Variants in TUBB8B observed in about 807,000 individuals in gnomAD.
TUBB8B encodes tubulin beta 8B, also known as HSA18p11 beta-tubulin 4Q pseudogene.
Under a neutral mutation model 31.9 loss-of-function variants are expected in TUBB8B, and 26 were observed. The observed-to-expected ratio is 0.81, with a 90% CI of 0.60 to 1.13. The LOEUF is 1.13. Among genes scored for constraint, TUBB8B ranks in the 50% most tolerant of loss-of-function variants. The pLI, the probability that TUBB8B is intolerant of heterozygous loss-of-function variation, is 0.00. For missense variants in TUBB8B, 467 were observed against 586.7 expected, an observed-to-expected ratio of 0.80 and a Z score of 2.11; for synonymous variants, 173 against 231.0, an observed-to-expected ratio of 0.75 and a Z score of 2.28.
At chr18:57,270 T>G in the TUBB8B span, among the ~76,000 whole-genome samples, 1 of 151,734 alleles carries the variant, frequency 6.6e-6, no homozygotes, top group African/African-American at 2.4e-5. Context: ...TAGTTTATTC[T>G]TCCTATAAGC....
chr18:56,173 A>G, the TUBB8B span, among the ~76,000 whole-genome samples: 21 of 151,886 alleles, frequency 1.4e-4, no homozygotes, highest in East Asian at 3.1e-3. Context: ...TCTCTATTTC[A>G]TTCCATTTGT....
the TUBB8B span, among the ~76,000 whole-genome samples, chr18:59,987 T>C: frequency 6.6e-6 from 1 of 151,800 alleles, no homozygotes; most frequent in African/African-American, 2.4e-5. Context: ...TTTTGCAAAT[T>C]TTTGCATCAA....
chr18:56,656 T>C, the TUBB8B span, among the ~76,000 whole-genome samples: 1 of 151,950 alleles, frequency 6.6e-6, no homozygotes, highest in African/African-American at 2.4e-5. Context: ...CTGATTTGTA[T>C]ATGTTAATTT....
In TUBB8B at chr18:47,662, C is replaced by T; in HGVS notation, c.1063G>A (p.Asp355Asn). The T allele has an allele frequency of 2.5e-6, 4 of 1,612,516 alleles. No homozygotes were observed. In the East Asian group the frequency reaches 8.9e-5, roughly 36 times the overall value. The change falls in exon 4 of 4, where the codon GAC becomes AAC. Residue 355 changes from aspartate to asparagine, a missense_variant. Physicochemically the swap from Asp to Asn is conservative, Grantham distance 23. Around this residue, in one of 2 missense-constraint regions of TUBB8B, gnomAD observed 208 missense variants for 206.7 expected, o/e 1.01. Coordinates refer to ENST00000308911, the MANE Select transcript of TUBB8B (RefSeq NM_001358689.2). ...FPDNVKTAVC[D>N]IPPRGLKMSA... The stretch of plus-strand genomic sequence containing the variant: ...ATTTTTAGCCCCCGGGGTGGGATGT[C>T]ACAGACGGCTGTTTTTACGTTGTCG...
At chr18:69,117 T>C in the TUBB8B span, among the ~76,000 whole-genome samples, 7 of 152,226 alleles carry the variant, frequency 4.6e-5, no homozygotes, top group Admixed American at 1.3e-4. Context: ...CCAAAGTCCA[T>C]GTATGAGATA....
In TUBB8B at chr18:49,527, G is replaced by A. The variant is rs1019150281; in HGVS notation, c.31C>T (p.Gln11Ter). 67 of 942,976 alleles carry A rather than the reference G, an allele frequency of 7.1e-5. 1 individual carries two copies. The highest frequency in any genetic ancestry group is 1.7e-4 in the Admixed American group (8 of 46,832). 58.4% of individuals were successfully genotyped at this position (942,976 alleles called of 1,614,324 possible). ...TTGGCGCCGATCTGGTTCCCGCACT[G>A]CCCGGTCTGCGTGAGCACGATTTCC... MREIVLTQTG[Q>*]CGNQIGAKFW... Residue 11 changes from glutamine (Q) to a stop codon, truncating the protein, a stop_gained, in exon 1 of 4, where the codon CAG becomes TAG. Coordinates refer to ENST00000308911, the MANE Select transcript of TUBB8B (RefSeq NM_001358689.2). LOFTEE classifies it high-confidence loss of function.
the TUBB8B span, among the ~76,000 whole-genome samples, chr18:72,730 C>T: frequency 1.3e-5 from 2 of 151,944 alleles, no homozygotes; most frequent in Non-Finnish European, 2.9e-5. Context: ...TTTGGGAGGC[C>T]GAGGTGGGTG....
chr18:53,480 A>G (rs2144070864), upstream of TUBB8B, among the ~76,000 whole-genome samples: 1 of 151,870 alleles, frequency 6.6e-6, no homozygotes, highest in South Asian at 2.1e-4. Context: ...TATTATCATT[A>G]TCGTTTTGAG....
At chr18:53,029 A>T (rs1332888618), upstream of TUBB8B, among the ~76,000 whole-genome samples, 1 of 151,836 alleles carries the variant, frequency 6.6e-6, no homozygotes, top group Non-Finnish European at 1.5e-5. Context: ...TAGGACATTT[A>T]TACATTTTTC....
the TUBB8B span, among the ~76,000 whole-genome samples, chr18:68,793 G>A: frequency 6.7e-5 from 10 of 149,252 alleles, no homozygotes; most frequent in African/African-American, 2.3e-4. Flanking sequence ...GCTCCTTCCT[G>A]CATGCTGCCC....
chr18:63,375 A>T, the TUBB8B span, among the ~76,000 whole-genome samples: 1 of 151,748 alleles, frequency 6.6e-6, no homozygotes, highest in Non-Finnish European at 1.5e-5. Flanking sequence ...GATTAACATT[A>T]AGAAAAATTC....
chr18:51,279 T>C (rs972911921), upstream of TUBB8B, among the ~76,000 whole-genome samples: 3 of 152,060 alleles, frequency 2.0e-5, no homozygotes, highest in Admixed American at 6.5e-5. Context: ...ACCTGTGACA[T>C]GCTTTGGCTG....
the TUBB8B span, among the ~76,000 whole-genome samples, chr18:71,988 C>A: frequency 6.6e-6 from 1 of 151,958 alleles, no homozygotes; most frequent in East Asian, 1.9e-4. Context: ...ACCAGCCTGG[C>A]CAAATTGGTG....
chr18:67,128 T>C, the TUBB8B span, among the ~76,000 whole-genome samples: 1 of 151,898 alleles, frequency 6.6e-6, no homozygotes, highest in Non-Finnish European at 1.5e-5. Flanking sequence ...CCCAAGTAGC[T>C]AGGATTACAT....
chr18:64,920 C>A, the TUBB8B span, among the ~76,000 whole-genome samples: 1 of 152,090 alleles, frequency 6.6e-6, no homozygotes, highest in Non-Finnish European at 1.5e-5. Flanking sequence ...CCAATCCCAT[C>A]CCCAATTTAA....
upstream of TUBB8B, among the ~76,000 whole-genome samples, chr18:51,551 T>A (rs1185231011): frequency 2.0e-5 from 3 of 152,004 alleles, no homozygotes; most frequent in East Asian, 5.8e-4. Context: ...GCGATTCTCC[T>A]GTCTCAGCCT....
the TUBB8B span, among the ~76,000 whole-genome samples, chr18:56,467 T>G: frequency 6.6e-6 from 1 of 151,870 alleles, no homozygotes; most frequent in Non-Finnish European, 1.5e-5. Context: ...AGAAATAACT[T>G]TCCATTTTTT....
chr18:63,725 C>CCCTAAG, the TUBB8B span, among the ~76,000 whole-genome samples: 21 of 130,046 alleles, frequency 1.6e-4, no homozygotes, highest in East Asian at 3.1e-3. Context: ...CTAACCCTAA[C>CCCTAAG]CCCTAACCCT....
chr18:58,314 A>G, the TUBB8B span, among the ~76,000 whole-genome samples: 1 of 151,732 alleles, frequency 6.6e-6, no homozygotes, highest in Non-Finnish European at 1.5e-5. Flanking sequence ...GTAAAAATAG[A>G]TTACAACTTA....
Sources: gnomAD v4.1 joint callset for allele counts (sites outside exome capture counted in the v4.1 genomes callset) on GRCh38, gnomAD v4.1.1 for gene constraint, gnomAD v4.1.1 regional missense constraint, MANE v1.5 for transcripts, NCBI Gene and HGNC (gene_info 2026-07-23, HGNC 2026-07-21) for gene names.